PLA2G2F: variants seen among roughly 807,000 people sequenced by gnomAD.
PLA2G2F encodes the protein group IIF secretory phospholipase A2.
A neutral mutation model predicts 15.9 loss-of-function variants in PLA2G2F; 17 were observed. The observed-to-expected ratio is 1.07, with a 90% CI of 0.73 to 1.60. PLA2G2F has a LOEUF of 1.60. PLA2G2F is among the 40% of genes most tolerant of loss of function. The pLI is 0.00. For missense variants in PLA2G2F, 299 were observed against 278.2 expected, an observed-to-expected ratio of 1.07 and a Z score of -0.53; for synonymous variants, 119 against 106.5, an observed-to-expected ratio of 1.12 and a Z score of -0.72.
At chr1:20,144,519 C>A in intron 3 of PLA2G2F, 61 bp from the exon 4 acceptor site, 1 of 1,197,520 alleles carries the variant, frequency 8.4e-7, no homozygotes, top group Non-Finnish European at 1.2e-6. Flanking sequence ...TCAGAGGTCT[C>A]TGCTGGTGGG....
At position 20,148,459 on chromosome 1, in the gene PLA2G2F, G is replaced by A. The variant is rs2017660201; in HGVS notation, c.*58G>A. On this transcript the variant is annotated 3_prime_UTR_variant, in exon 5 of 5. Coordinates refer to ENST00000375102, the MANE Select transcript of PLA2G2F (RefSeq NM_022819.4). ...AGGGTCTGGCTTGGGGACCAGACGA[G>A]GTGCAGGGAGGGTAGGAGCCAGGCC... is the stretch of plus-strand genomic sequence containing the variant. 6.9e-7 allele frequency: 1 copy of A among 1,441,774 alleles called. No individual in the cohort carries two copies. Among genetic ancestry groups the A allele is most frequent in the Non-Finnish European group, 9.7e-7 (1 of 1,034,660 alleles). The allele number at this position is 1,441,774 out of a possible 1,614,324, so 89.3% of individuals were successfully genotyped here.
In PLA2G2F at chr1:20,150,347, C is replaced by A. The variant is rs1343117053; in HGVS notation, c.*1946C>A. Reference sequence around the variant, plus strand: ...GGATAATCTCCACAGGACTCGGCTTCCTCTCCTCAAATGAATAAAGGCCTC... The same window carrying A: ...GGATAATCTCCACAGGACTCGGCTTACTCTCCTCAAATGAATAAAGGCCTC... On this transcript the variant is annotated 3_prime_UTR_variant, in exon 5 of 5. Coordinates refer to ENST00000375102, the MANE Select transcript of PLA2G2F (RefSeq NM_022819.4). 6.6e-6 allele frequency: 1 copy of A among 152,342 alleles called. No individual in the cohort carries two copies. Among genetic ancestry groups the A allele is most frequent in the Non-Finnish European group, 1.5e-5 (1 of 68,130 alleles). The allele number at this position is 152,342 out of a possible 1,614,324, so 9.4% of individuals were successfully genotyped here.
At position 20,148,322 on chromosome 1, in the gene PLA2G2F, CCA is replaced by C; in HGVS notation, c.558_559del (p.Asn187LeufsTer5). 6.2e-7 allele frequency: 1 copy of C among 1,614,098 alleles called. No individual in the cohort carries two copies. Among genetic ancestry groups the C allele is most frequent in the Middle Eastern group, 1.6e-4 (1 of 6,062 alleles). On this transcript the variant is annotated frameshift_variant, in exon 5 of 5. Coordinates refer to ENST00000375102, the MANE Select transcript of PLA2G2F (RefSeq NM_022819.4). LOFTEE classifies it low-confidence loss of function (END_TRUNC). ...AATGTCTACTGCCAGGGCCCCACGC[CCA>C]ACTGCAGCATCTATGAACCGCCCCC...
chr1:20,145,826 G>A (rs2017578165), intron 4 of PLA2G2F, among the ~76,000 whole-genome samples: 1 of 151,734 alleles, frequency 6.6e-6, no homozygotes, highest in Non-Finnish European at 1.5e-5. Context: ...GCCCAGGCTG[G>A]TCTTGAACTC....
At position 20,139,363 on chromosome 1, in the gene PLA2G2F, G is replaced by A. The variant is rs1282139427; in HGVS notation, c.-65G>A. ...AGCGTGAAGCTGGGGCCTGCTCCCC[G>A]CAGCCTCTGGAGCGCATCTCAGACC... On this transcript the variant is annotated 5_prime_UTR_variant, in exon 1 of 5. Transcript: ENST00000375102. 1.2e-5 allele frequency: 15 copies of A among 1,283,446 alleles called. No homozygotes were observed. The highest frequency in any genetic ancestry group is 3.0e-5 in the African/African-American group (2 of 67,444). The allele number at this position is 1,283,446 out of a possible 1,614,324, so 79.5% of individuals were successfully genotyped here.
chr1:20,139,609 C>T (rs537004810), intron 1 of PLA2G2F, 66 bp downstream of exon 1: 20 of 1,207,414 alleles, frequency 1.7e-5, no homozygotes, highest in South Asian at 9.5e-5. Context: ...GAGGGACTGG[C>T]TCCTAGAATC....
chr1:20,140,088 T>C, intron 1 of PLA2G2F, 78 bp from the exon 2 acceptor site: 1 of 1,483,060 alleles, frequency 6.7e-7, no homozygotes, highest in East Asian at 2.3e-5. Context: ...GTCCTGAGGC[T>C]CAGGAAGGGA....
At chr1:20,139,921 C>A (rs1304038461) in intron 1 of PLA2G2F, among the ~76,000 whole-genome samples, 1 of 151,976 alleles carries the variant, frequency 6.6e-6, no homozygotes, top group East Asian at 1.9e-4. Flanking sequence ...AAGGCTGATG[C>A]GTGGAGGGGG....
rs202202582 is a variant in PLA2G2F at position 20,148,274 on chromosome 1, G to T, written c.509G>T (p.Arg170Leu). The T allele has an allele frequency of 6.2e-7, 1 of 1,613,926 alleles. No homozygotes were observed. Among genetic ancestry groups the T allele is most frequent in the Non-Finnish European group, 8.5e-7 (1 of 1,179,982 alleles). The change falls in exon 5 of 5, where the codon CGA becomes CTA. Residue 170 changes from arginine (R) to leucine (L), a missense_variant. Coordinates refer to ENST00000375102, the MANE Select transcript of PLA2G2F (RefSeq NM_022819.4). Reference sequence around the variant, plus strand: ...CTGTGCCTCATGAACCAGACGTACCGAGAGGAGTACCGTGGCTTCCTCAAT... The same window carrying T: ...CTGTGCCTCATGAACCAGACGTACCTAGAGGAGTACCGTGGCTTCCTCAAT... ...MVLCLMNQTYREEYRGFLNVY... is the reference protein window; with the variant it reads ...MVLCLMNQTYLEEYRGFLNVY...
chr1:20,143,356 G>A (rs1569896308), intron 2 of PLA2G2F, 90 bp from the exon 3 acceptor site: 4 of 1,493,722 alleles, frequency 2.7e-6, no homozygotes, highest in Middle Eastern at 1.9e-4. Context: ...GGTATTGGGA[G>A]GATGGTCAGT....
chr1:20,147,115 A>C (rs1244104711), intron 4 of PLA2G2F, among the ~76,000 whole-genome samples: 2 of 152,208 alleles, frequency 1.3e-5, no homozygotes, highest in Non-Finnish European at 2.9e-5. Context: ...CAGACCGATC[A>C]AGCTAGTTGG....
chr1:20,144,804 C>T (rs948007762), intron 4 of PLA2G2F, 115 bp downstream of exon 4: 18 of 911,146 alleles, frequency 2.0e-5, no homozygotes, highest in African/African-American at 9.9e-5. Context: ...CAGCCGGGTG[C>T]GGTGGCTCAT....
At chr1:20,140,519 A>C (rs2017436363) in intron 2 of PLA2G2F, 1 of 356,220 alleles carries the variant, frequency 2.8e-6, no homozygotes, top group African/African-American at 2.1e-5. Flanking sequence ...TGTGTCCATC[A>C]GACTGGAGTT....
At chr1:20,143,304 G>C (rs2017514338) in intron 2 of PLA2G2F, 142 bp from the exon 3 acceptor site, 2 of 1,111,860 alleles carry the variant, frequency 1.8e-6, no homozygotes, top group Non-Finnish European at 2.6e-6. Context: ...TCTTGCCCCA[G>C]CTTCCTCTCC....
At chr1:20,139,868 G>A (rs1433216480) in intron 1 of PLA2G2F, among the ~76,000 whole-genome samples, 1 of 152,160 alleles carries the variant, frequency 6.6e-6, no homozygotes, top group Non-Finnish European at 1.5e-5. Flanking sequence ...TCCCTAGTGT[G>A]TGCATGGGAG....
chr1:20,148,479 C>A lies in PLA2G2F; in HGVS notation c.*78C>A. 7.9e-7 allele frequency: 1 copy of A among 1,266,860 alleles called. No homozygotes were observed. Among genetic ancestry groups the A allele is most frequent in the Non-Finnish European group, 1.1e-6 (1 of 889,458 alleles). 78.5% of individuals were successfully genotyped at this position (1,266,860 alleles called of 1,614,324 possible). On this transcript the variant is annotated 3_prime_UTR_variant, in exon 5 of 5. Transcript: ENST00000375102. ...GACGAGGTGCAGGGAGGGTAGGAGC[C>A]AGGCCAGGAGCCTGAGGGTTGCTGG...
At chr1:20,146,478 A>AG (rs1237886370) in intron 4 of PLA2G2F, among the ~76,000 whole-genome samples, 4 of 152,128 alleles carry the variant, frequency 2.6e-5, no homozygotes, top group African/African-American at 9.7e-5. Flanking sequence ...TGAGACATGT[A>AG]GGTAAGCGCA....
rs1371775593 is a variant in PLA2G2F at position 20,148,712 on chromosome 1, C to T, written c.*311C>T. On this transcript the variant is annotated 3_prime_UTR_variant, in exon 5 of 5. Transcript: ENST00000375102. The stretch of plus-strand genomic sequence containing the variant: ...GAGGAGGAGGGGCCTCTGAGTGGGG[C>T]CTCTGTTGCTGGCGCCAGTTTAACT... The T allele has an allele frequency of 7.6e-6, 3 of 393,364 alleles. No individual in the cohort carries two copies. Among genetic ancestry groups the T allele is most frequent in the African/African-American group, 6.0e-5 (3 of 49,766 alleles). The allele number at this position is 393,364 out of a possible 1,614,324, so 24.4% of individuals were successfully genotyped here. A position where few individuals can be genotyped will look rare whatever the true frequency, so the allele number is the denominator to read the frequency against.
intron 3 of PLA2G2F, chr1:20,144,044 T>C (rs2017533334): frequency 5.5e-6 from 1 of 182,206 alleles, no homozygotes; most frequent in African/African-American, 2.4e-5. Context: ...CAAGTTTGTA[T>C]CACAGAAAGC....
Sources: gnomAD v4.1 joint callset for allele counts (sites outside exome capture counted in the v4.1 genomes callset) on GRCh38, gnomAD v4.1.1 for gene constraint, MANE v1.5 for transcripts, NCBI Gene and HGNC (gene_info 2026-07-23, HGNC 2026-07-21) for gene names.